VWA8: variants seen among roughly 807,000 people sequenced by gnomAD.
VWA8 encodes the protein von Willebrand factor A domain containing 8.
A neutral mutation model predicts 241.5 loss-of-function variants in VWA8; 221 were observed. That is an observed-to-expected ratio of 0.91 (90% CI 0.82 to 1.02). The LOEUF (loss-of-function observed/expected upper bound fraction) is 1.02, where lower values mean the gene tolerates loss of function less well. Among genes scored for constraint, VWA8 ranks in the 50% least tolerant of loss-of-function variants. The pLI is 0.00. For missense variants in VWA8, 2,322 were observed against 2,328.7 expected (o/e 1.00, Z 0.06); for synonymous variants, 852 against 827.1 (o/e 1.03, Z -0.52).
At position 41,689,435 on chromosome 13, in the gene VWA8, T is replaced by A; in HGVS notation, c.4050A>T (p.Glu1350Asp). ...LSSEHLSSAV[E>D]QKIASPNRIL... is the part of the protein sequence containing the mutation. ...TTCTGTTGGGAGAGGCAATCTTTTG[T>A]TCCACAGCTGAACTTAGATGTTCAG... The change falls in exon 34 of 45, where the codon GAA becomes GAT. Residue 1350 changes from glutamate to aspartate, a missense_variant. Transcript: ENST00000379310. 1 of 1,612,146 alleles carries A rather than the reference T, an allele frequency of 6.2e-7. No homozygotes were observed. The highest frequency in any genetic ancestry group is 8.5e-7 in the Non-Finnish European group (1 of 1,179,124).
At position 41,926,049 on chromosome 13, in the gene VWA8, G is replaced by A. The variant is rs139244746; in HGVS notation, c.242-13881C>T. On this transcript the variant is annotated intron_variant, in intron 2 of 44. Coordinates refer to ENST00000379310, the MANE Select transcript of VWA8 (RefSeq NM_015058.2). Reference sequence around the variant, plus strand: ...CTTCTATGACCTTCAAGGAGAGGGGGTCAAGTTGCAAGTCATGGTGAATCC... The same window carrying A: ...CTTCTATGACCTTCAAGGAGAGGGGATCAAGTTGCAAGTCATGGTGAATCC... 7.4e-3 allele frequency: 3,317 copies of A among 451,212 alleles called. 19 individuals are homozygous for A. The highest frequency in any genetic ancestry group is 0.017 in the Middle Eastern group (50 of 2,996). 28.0% of individuals were successfully genotyped at this position (451,212 alleles called of 1,614,324 possible). A position where few individuals can be genotyped will look rare whatever the true frequency, so the allele number is the denominator to read the frequency against.
At chr13:41,807,226 C>CCT (rs1378848674) in intron 17 of VWA8, among the ~76,000 whole-genome samples, 1 of 152,092 alleles carries the variant, frequency 6.6e-6, no homozygotes, top group Admixed American at 6.6e-5. Context: ...AAGCCTGGGC[C>CCT]CTGATCGCTT....
At chr13:41,590,997 G>T (rs1421030399) in intron 40 of VWA8, among the ~76,000 whole-genome samples, 13 of 152,174 alleles carry the variant, frequency 8.5e-5, no homozygotes, top group Non-Finnish European at 4.4e-5. Context: ...AAGATGGTAT[G>T]CAAATGAGTC....
intron 21 of VWA8, among the ~76,000 whole-genome samples, chr13:41,751,875 G>A (rs1158649233): frequency 1.3e-5 from 2 of 152,016 alleles, no homozygotes; most frequent in Admixed American, 6.6e-5. Flanking sequence ...AGTGCTCCTC[G>A]GTAAGCATGA....
intron 37 of VWA8, among the ~76,000 whole-genome samples, chr13:41,657,066 T>G (rs1479216480): frequency 6.6e-6 from 1 of 152,184 alleles, no homozygotes; most frequent in Non-Finnish European, 1.5e-5. Context: ...TCAGGGCATG[T>G]GACCTCACCA....
intron 18 of VWA8, among the ~76,000 whole-genome samples, chr13:41,786,349 A>C (rs1001663516): frequency 2.0e-5 from 3 of 152,168 alleles, no homozygotes; most frequent in Non-Finnish European, 4.4e-5. Context: ...CCAGTACCTC[A>C]TCAGAAGATT....
chr13:41,744,113 G>A (rs1284556922), intron 21 of VWA8, among the ~76,000 whole-genome samples: 2 of 152,222 alleles, frequency 1.3e-5, no homozygotes, highest in East Asian at 3.9e-4. Flanking sequence ...GCTTCCAGGT[G>A]GGGTAACTGA....
intron 12 of VWA8, among the ~76,000 whole-genome samples, chr13:41,834,452 T>C (rs567863072): frequency 1.3e-5 from 2 of 152,334 alleles, no homozygotes; most frequent in South Asian, 4.1e-4. Context: ...AACTAATGAA[T>C]TTGCTTTATA....
intron 29 of VWA8, among the ~76,000 whole-genome samples, chr13:41,697,114 G>C (rs2045220138): frequency 6.6e-6 from 1 of 152,114 alleles, no homozygotes; most frequent in Non-Finnish European, 1.5e-5. Flanking sequence ...TTAGTCACTG[G>C]CAACTTCAAG....
intron 34 of VWA8, among the ~76,000 whole-genome samples, chr13:41,688,781 A>T (rs982390730): frequency 2.0e-4 from 30 of 152,136 alleles, no homozygotes; most frequent in Non-Finnish European, 1.5e-5. Flanking sequence ...TCGAGGACAT[A>T]CGGACACAAA....
chr13:41,852,657 A>C (rs1458727660), intron 12 of VWA8, among the ~76,000 whole-genome samples: 1 of 152,094 alleles, frequency 6.6e-6, no homozygotes, highest in Non-Finnish European at 1.5e-5. Context: ...TAAAGGTCTA[A>C]TATCATTGTT....
intron 12 of VWA8, among the ~76,000 whole-genome samples, chr13:41,849,306 G>C (rs1048435229): frequency 2.0e-5 from 3 of 151,980 alleles, no homozygotes; most frequent in Non-Finnish European, 4.4e-5. Context: ...TCATTTCCAG[G>C]GGAAAAAATA....
At chr13:41,591,242 ATG>A (rs1020058825) in intron 40 of VWA8, among the ~76,000 whole-genome samples, 1 of 152,244 alleles carries the variant, frequency 6.6e-6, no homozygotes, top group African/African-American at 2.4e-5. Context: ...AAACAATAGT[ATG>A]TGAACATTTT....
chr13:41,759,420 T>C (rs144557427), intron 21 of VWA8, among the ~76,000 whole-genome samples: 2 of 151,816 alleles, frequency 1.3e-5, no homozygotes, highest in Non-Finnish European at 3.0e-5. Flanking sequence ...TTTATTCTGC[T>C]TGAAGTTCAT....
intron 26 of VWA8, among the ~76,000 whole-genome samples, chr13:41,711,767 G>A (rs1034338745): frequency 2.0e-5 from 3 of 152,128 alleles, no homozygotes; most frequent in Admixed American, 6.5e-5. Flanking sequence ...CCAGCTACTT[G>A]GGAGGCTGAG....
At chr13:41,649,407 T>C (rs960035632) in intron 37 of VWA8, among the ~76,000 whole-genome samples, 2 of 152,198 alleles carry the variant, frequency 1.3e-5, no homozygotes, top group African/African-American at 2.4e-5. Context: ...ATGACAAGAA[T>C]ATGTCCTATA....
chr13:41,569,505 C>T (rs2044285583), intron 44 of VWA8, among the ~76,000 whole-genome samples: 1 of 152,156 alleles, frequency 6.6e-6, no homozygotes, highest in African/African-American at 2.4e-5. Flanking sequence ...CCTCGCTCTG[C>T]AACCTTACAG....
At chr13:41,642,578 A>G in intron 37 of VWA8, among the ~76,000 whole-genome samples, 1 of 150,796 alleles carries the variant, frequency 6.6e-6, no homozygotes. Context: ...AAAAAAAAAA[A>G]GAAAAAAAGA....
chr13:41,846,048 CTTTT>C (rs11288349), intron 12 of VWA8, among the ~76,000 whole-genome samples: 1 of 142,450 alleles, frequency 7.0e-6, no homozygotes, highest in African/African-American at 2.6e-5. Context: ...CTTTTTAGTT[CTTTT>C]TTTTTTTTTT....
Sources: allele counts gnomAD v4.1 joint callset (sites outside exome capture counted in the v4.1 genomes callset), GRCh38; gene constraint gnomAD v4.1.1; transcripts MANE v1.5; gene names NCBI Gene and HGNC (gene_info 2026-07-23, HGNC 2026-07-21).